Variants in UBE2W observed in about 807,000 individuals in gnomAD.
UBE2W encodes the protein ubiquitin conjugating enzyme E2 W.
Under a neutral mutation model 27.2 loss-of-function variants are expected in UBE2W, and 18 were observed. That is an observed-to-expected ratio of 0.66 (90% CI 0.46 to 0.98). UBE2W has a LOEUF of 0.98. Ranked by LOEUF, UBE2W falls within the 50% of genes least tolerant of loss-of-function variation. The pLI, the probability that UBE2W is intolerant of heterozygous loss-of-function variation, is 0.00. For missense variants in UBE2W, 90 were observed against 180.2 expected (o/e 0.50, Z 2.87); for synonymous variants, 53 against 57.2 (o/e 0.93, Z 0.33).
chr8:73,855,164 C>T (rs1811234032), intron 1 of UBE2W, among the ~76,000 whole-genome samples: 1 of 152,102 alleles, frequency 6.6e-6, no homozygotes, highest in Admixed American at 6.6e-5. Context: ...GTGTTTGATT[C>T]AAAGTTTGCA....
chr8:73,851,671 C>G (rs1811085332), intron 1 of UBE2W, among the ~76,000 whole-genome samples: 1 of 151,950 alleles, frequency 6.6e-6, no homozygotes, highest in South Asian at 2.1e-4. Flanking sequence ...GAAAGACAGG[C>G]TGAAAACTAC....
intron 3 of UBE2W, among the ~76,000 whole-genome samples, chr8:73,822,631 A>AAAAAAAAAAAAAAAAAAAT: frequency 7.1e-6 from 1 of 141,694 alleles, no homozygotes; most frequent in South Asian, 2.2e-4. Context: ...AAAAAAAAAA[A>AAAAAAAAAAAAAAAAAAAT]AAATTAGCTG....
At chr8:73,844,403 C>T (rs558680754) in intron 1 of UBE2W, among the ~76,000 whole-genome samples, 1 of 152,238 alleles carries the variant, frequency 6.6e-6, no homozygotes, top group Non-Finnish European at 1.5e-5. Flanking sequence ...CCAGCCTCGG[C>T]CTCCCGAGGT....
intron 4 of UBE2W, 120 bp from the exon 5 acceptor site, chr8:73,805,846 A>G (rs918554465): frequency 1.9e-6 from 1 of 519,354 alleles, no homozygotes; most frequent in Admixed American, 3.4e-5. Flanking sequence ...CATGAATAGT[A>G]TATCTAAAAG....
chr8:73,792,200 ACAGGC>A lies in UBE2W; in HGVS notation c.*1897_*1901del. 5.1e-6 allele frequency: 5 copies of A among 985,602 alleles called. No individual in the cohort carries two copies. Among genetic ancestry groups the A allele is most frequent in the Non-Finnish European group, 4.8e-6 (4 of 829,826 alleles). The allele number at this position is 985,602 out of a possible 1,614,324, so 61.1% of individuals were successfully genotyped here. On this transcript the variant is annotated 3_prime_UTR_variant, in exon 6 of 6. Transcript: ENST00000602593. The stretch of plus-strand genomic sequence containing the variant: ...TTCAAAGACTTTCTGTCTTGGTTAA[ACAGGC>A]CAACTAATAAAACTGACAGAGATCA...
chr8:73,837,583 C>T (rs548980466), intron 1 of UBE2W, among the ~76,000 whole-genome samples: 78 of 152,102 alleles, frequency 5.1e-4, no homozygotes, highest in Non-Finnish European at 9.1e-4. Context: ...AATAAAACTT[C>T]GAGTATGTTT....
chr8:73,784,721 T>C (rs1400062180), downstream of UBE2W, among the ~76,000 whole-genome samples: 2 of 152,088 alleles, frequency 1.3e-5, no homozygotes, highest in African/African-American at 4.8e-5. Flanking sequence ...TTAGCTGATC[T>C]TTACTATGAA....
chr8:73,830,281 G>A, intron 2 of UBE2W, 100 bp downstream of exon 2: 1 of 831,088 alleles, frequency 1.2e-6, no homozygotes, highest in Non-Finnish European at 2.0e-6. Context: ...CTTGGTGAAA[G>A]AATGAAATGT....
chr8:73,834,858 T>C (rs544991431), intron 1 of UBE2W, among the ~76,000 whole-genome samples: 4 of 152,248 alleles, frequency 2.6e-5, no homozygotes, highest in African/African-American at 9.6e-5. Flanking sequence ...GCAGTGAGCC[T>C]AGATCACGCG....
At chr8:73,857,542 G>C (rs1811357103) in intron 1 of UBE2W, among the ~76,000 whole-genome samples, 1 of 152,134 alleles carries the variant, frequency 6.6e-6, no homozygotes, top group Non-Finnish European at 1.5e-5. Context: ...TTTGGGCCAG[G>C]CGCAGTGGCT....
chr8:73,792,138 A>C lies in UBE2W; in HGVS notation c.*1964T>G, dbSNP rs541711840. 558 of 985,262 alleles carry C rather than the reference A, an allele frequency of 5.7e-4. No individual in the cohort carries two copies. The highest frequency in any genetic ancestry group is 6.5e-4 in the Non-Finnish European group (537 of 829,806). The allele number at this position is 985,262 out of a possible 1,614,324, so 61.0% of individuals were successfully genotyped here. ...ATGAAAATACATAATTTACAGCTGC[A>C]ATTTTCATATTAAAAGCAGTTTAAA... is the stretch of plus-strand genomic sequence containing the variant. On this transcript the variant is annotated 3_prime_UTR_variant, in exon 6 of 6. Transcript: ENST00000602593.
Position 73,787,992 on chromosome 8 carries a change from G to A in UBE2W, c.*6110C>T. 2.0e-6 allele frequency: 2 copies of A among 985,384 alleles called. No individual in the cohort carries two copies. Among genetic ancestry groups the A allele is most frequent in the Non-Finnish European group, 2.4e-6 (2 of 829,916 alleles). The allele number at this position is 985,384 out of a possible 1,614,324, so 61.0% of individuals were successfully genotyped here. On this transcript the variant is annotated 3_prime_UTR_variant, in exon 6 of 6. Transcript: ENST00000602593. ...ATTCTGTTGCACTCATTTTGGAAAT[G>A]GACATGTTCCTGTTTCTATAATCCT... is the stretch of plus-strand genomic sequence containing the variant.
intron 1 of UBE2W, among the ~76,000 whole-genome samples, chr8:73,843,298 T>C (rs528875824): frequency 6.6e-6 from 1 of 152,266 alleles, no homozygotes; most frequent in South Asian, 2.1e-4. Flanking sequence ...TTATCGAGTG[T>C]AGAAATGGGA....
chr8:73,877,938 G>A (rs1262023970), intron 1 of UBE2W, among the ~76,000 whole-genome samples: 1 of 152,196 alleles, frequency 6.6e-6, no homozygotes, highest in African/African-American at 2.4e-5. Context: ...AAGTCGGGGG[G>A]ATATGGCACA....
Position 73,787,378 on chromosome 8 carries a change from G to T in UBE2W, c.*6724C>A, listed in dbSNP as rs1807999789. The T allele has an allele frequency of 3.0e-6, 3 of 985,206 alleles. No individual in the cohort carries two copies. Among genetic ancestry groups the T allele is most frequent in the Non-Finnish European group, 3.6e-6 (3 of 829,892 alleles). The allele number at this position is 985,206 out of a possible 1,614,324, so 61.0% of individuals were successfully genotyped here. A position where few individuals can be genotyped will look rare whatever the true frequency, so the allele number is the denominator to read the frequency against. ...CTTATCCAGGGTAGCTTAAACTAAT[G>T]GAGAAAAGTCAAATCCTACTATGGA... On this transcript the variant is annotated 3_prime_UTR_variant, in exon 6 of 6. Coordinates refer to ENST00000602593, the MANE Select transcript of UBE2W (RefSeq NM_018299.6).
intron 3 of UBE2W, among the ~76,000 whole-genome samples, chr8:73,818,232 C>T (rs911432712): frequency 7.5e-4 from 114 of 152,282 alleles, no homozygotes; most frequent in African/African-American, 2.6e-3. Context: ...TTCAATCATA[C>T]TCCAAATTAA....
At chr8:73,866,745 A>T (rs919982190) in intron 1 of UBE2W, among the ~76,000 whole-genome samples, 1 of 152,138 alleles carries the variant, frequency 6.6e-6, no homozygotes, top group Non-Finnish European at 1.5e-5. Context: ...AAATGAAAAC[A>T]GCCCACAGAA....
downstream of UBE2W, among the ~76,000 whole-genome samples, chr8:73,781,627 T>A (rs1037996403): frequency 4.6e-5 from 7 of 151,206 alleles, no homozygotes; most frequent in Non-Finnish European, 7.4e-5. Flanking sequence ...GGGTTTTTTT[T>A]TTTTTTTTTT....
intron 1 of UBE2W, among the ~76,000 whole-genome samples, chr8:73,861,699 C>T (rs989296496): frequency 6.6e-6 from 1 of 152,152 alleles, no homozygotes; most frequent in African/African-American, 2.4e-5. Context: ...TAGGTGGACT[C>T]TACCAGCATT....
Sources: allele counts gnomAD v4.1 joint callset (sites outside exome capture counted in the v4.1 genomes callset), GRCh38; gene constraint gnomAD v4.1.1; transcripts MANE v1.5; gene names NCBI Gene and HGNC (gene_info 2026-07-23, HGNC 2026-07-21).